The following LETM2 variants were observed in gnomAD, a reference collection of about 807,000 sequenced individuals.
LETM2 encodes the protein leucine zipper and EF-hand containing transmembrane protein 2, also known as LETM1 domain-containing protein LETM2, mitochondrial.
A neutral mutation model predicts 59.6 loss-of-function variants in LETM2; 58 were observed. The ratio of observed to expected loss-of-function variants is 0.97; its 90% CI spans 0.79 to 1.21. The LOEUF (loss-of-function observed/expected upper bound fraction) is 1.21, where lower values mean the gene tolerates loss of function less well. Among genes scored for constraint, LETM2 ranks in the 50% most tolerant of loss-of-function variants. The pLI, the probability that LETM2 is intolerant of heterozygous loss-of-function variation, is 0.00. For missense variants in LETM2, 572 were observed against 575.7 expected (o/e 0.99, Z 0.07); for synonymous variants, 199 against 214.1 (o/e 0.93, Z 0.62).
rs1240166540 is a variant in LETM2, at chr8:38,402,470, G to A, written c.985-55G>A. The A allele has an allele frequency of 1.9e-6, 3 of 1,596,810 alleles. No homozygotes were observed. The African/African-American group carries it at 4.0e-5, about 21-fold the overall frequency. On this transcript the variant is annotated intron_variant, in intron 6 of 10. Transcript: ENST00000379957. ...TTCCACTGATTTGCTGGAATTTAGG[G>A]TTTACGTAAAATTGGAATCAAAAGT... is the stretch of plus-strand genomic sequence containing the variant.
In LETM2 at chr8:38,408,549, G is replaced by A; in HGVS notation, c.*275G>A. 1 of 311,438 alleles carries A rather than the reference G, an allele frequency of 3.2e-6. No homozygotes were observed. Among genetic ancestry groups the A allele is most frequent in the Non-Finnish European group, 6.1e-6 (1 of 165,288 alleles). 19.3% of individuals were successfully genotyped at this position (311,438 alleles called of 1,614,324 possible). A position where few individuals can be genotyped will look rare whatever the true frequency, so the allele number is the denominator to read the frequency against. On this transcript the variant is annotated 3_prime_UTR_variant, in exon 11 of 11. Transcript: ENST00000379957. Reference sequence around the variant, plus strand: ...TATAAAGCCCACCCCCCATCATGTTGTTTTTTTAGTTTCATGTGTACGTCC... The same window carrying A: ...TATAAAGCCCACCCCCCATCATGTTATTTTTTTAGTTTCATGTGTACGTCC...
At chr8:38,404,685 C>A in intron 8 of LETM2, 179 bp downstream of exon 8, 1 of 572,848 alleles carries the variant, frequency 1.7e-6, no homozygotes, top group Non-Finnish European at 3.1e-6. Context: ...CACAAACAAA[C>A]AAAACAAAGG....
At chr8:38,406,895 G>A in intron 8 of LETM2, 51 bp from the exon 9 acceptor site, 1 of 1,299,208 alleles carries the variant, frequency 7.7e-7, no homozygotes, top group Non-Finnish European at 1.1e-6. Context: ...AAGTTTCTGG[G>A]TTTTAGGAAG....
rs1286701695 is a variant in LETM2 at position 38,404,521 on chromosome 8, T to A, written c.1218+15T>A. On this transcript the variant is annotated intron_variant, in intron 8 of 10. Coordinates refer to ENST00000379957, the MANE Select transcript of LETM2 (RefSeq NM_001286819.2). ...TCAGTGGGGAGGTGAGTACCTGGGT[T>A]AATGGGGACCCTCGACGTCCATCCA... The A allele has an allele frequency of 3.9e-6, 6 of 1,545,490 alleles. No individual in the cohort carries two copies. The highest frequency in any genetic ancestry group is 4.5e-6 in the Non-Finnish European group (5 of 1,117,326).
chr8:38,388,735 A>G (rs2150409455), intron 2 of LETM2, among the ~76,000 whole-genome samples: 1 of 151,346 alleles, frequency 6.6e-6, no homozygotes, highest in African/African-American at 2.4e-5. Flanking sequence ...AAAAAAAAGA[A>G]AAGAAGATGT....
At chr8:38,384,750 A>G (rs1036196657), upstream of LETM2, among the ~76,000 whole-genome samples, 1 of 152,220 alleles carries the variant, frequency 6.6e-6, no homozygotes, top group African/African-American at 2.4e-5. Flanking sequence ...ACATATGGCC[A>G]TGGTAGAAAA....
chr8:38,382,453 T>C (rs1489371835), upstream of LETM2: 1 of 151,270 alleles, frequency 6.6e-6, no homozygotes, highest in Non-Finnish European at 1.5e-5. This position sits in a 1 kb window ranked among gnomAD's most constrained non-coding sequence, Gnocchi z 4.2. Flanking sequence ...GCAGCTAGCG[T>C]CTGGACGACT....
intron 4 of LETM2, chr8:38,396,877 C>T (rs1812731967): frequency 3.5e-6 from 1 of 282,078 alleles, no homozygotes; most frequent in Non-Finnish European, 7.0e-6. Context: ...CAGGCCACTG[C>T]ACTGCACTCC....
At chr8:38,400,489 A>G in intron 5 of LETM2, 80 bp downstream of exon 5, 1 of 1,357,908 alleles carries the variant, frequency 7.4e-7, no homozygotes, top group Non-Finnish European at 1.0e-6. Context: ...GGATTTCCCA[A>G]ATTGTTCACC....
At chr8:38,408,171 G>A (rs201420242) in intron 10 of LETM2, 41 bp from the exon 11 acceptor site, 12 of 1,537,452 alleles carry the variant, frequency 7.8e-6, no homozygotes, top group African/African-American at 4.1e-5. Flanking sequence ...GAACTTACAC[G>A]TCTGTGACTA....
At position 38,401,571 on chromosome 8, in the gene LETM2, G is replaced by A. The variant is rs375904257; in HGVS notation, c.984+518G>A. Reference sequence around the variant, plus strand: ...TGTCATCCCCTTACCCATTTCTTGAGAAGGCCATCATAAGCAGTTAGTAAT... The same window carrying A: ...TGTCATCCCCTTACCCATTTCTTGAAAAGGCCATCATAAGCAGTTAGTAAT... On this transcript the variant is annotated intron_variant, in intron 6 of 10. Coordinates refer to ENST00000379957, the MANE Select transcript of LETM2 (RefSeq NM_001286819.2). 3.7e-4 allele frequency: 60 copies of A among 161,574 alleles called. 1 individual carries two copies. In the South Asian group the frequency reaches 9.8e-3, roughly 26 times the overall value. 10.0% of individuals were successfully genotyped at this position (161,574 alleles called of 1,614,324 possible). A position where few individuals can be genotyped will look rare whatever the true frequency, so the allele number is the denominator to read the frequency against.
At chr8:38,388,128 T>G (rs1214141436) in intron 2 of LETM2, 98 bp downstream of exon 2, 2 of 797,324 alleles carry the variant, frequency 2.5e-6, no homozygotes, top group Non-Finnish European at 4.0e-6. Flanking sequence ...TCGCCCAGGC[T>G]GGAGTTCAAT....
chr8:38,408,268 A>G lies in LETM2; in HGVS notation c.1470A>G (p.Gly490=). The change falls in exon 11 of 11, where the codon GGA becomes GGG. Residue 490 remains glycine (G), a synonymous_variant. Coordinates refer to ENST00000379957, the MANE Select transcript of LETM2 (RefSeq NM_001286819.2). ...TAQNSKASSK[G]A is the part of the protein sequence containing the mutation. ...AGAACAGCAAGGCTAGTTCAAAAGGAGCATAAAGGACTACTTGAGGATGGA... is the reference window on the plus strand; with the variant it reads ...AGAACAGCAAGGCTAGTTCAAAAGGGGCATAAAGGACTACTTGAGGATGGA... 1 of 1,612,556 alleles carries G rather than the reference A, an allele frequency of 6.2e-7. No homozygotes were observed. The highest frequency in any genetic ancestry group is 8.5e-7 in the Non-Finnish European group (1 of 1,179,276).
chr8:38,407,291 G>C (rs1473269122), intron 9 of LETM2, 71 bp from the exon 10 acceptor site: 1 of 1,168,528 alleles, frequency 8.6e-7, no homozygotes, highest in Non-Finnish European at 1.3e-6. Flanking sequence ...TGGTAGTCAA[G>C]GTAGTGGACT....
At chr8:38,399,750 C>G (rs981491068) in intron 4 of LETM2, among the ~76,000 whole-genome samples, 5 of 147,064 alleles carry the variant, frequency 3.4e-5, no homozygotes, top group Admixed American at 7.0e-5. Flanking sequence ...TGCACTCCAG[C>G]CTGGGTGACA....
Position 38,393,047 on chromosome 8 carries a change from T to A in LETM2, c.501+52T>A, listed in dbSNP as rs774457689. On this transcript the variant is annotated intron_variant, in intron 3 of 10. Transcript: ENST00000379957. ...AAAATGTGAAATTAAAATGAACTAT[T>A]TGGGAACTCAACTATTTAAATTCAA... is the stretch of plus-strand genomic sequence containing the variant. 3 of 1,426,558 alleles carry A rather than the reference T, an allele frequency of 2.1e-6. 1 individual carries two copies. The South Asian group carries it at 3.9e-5, about 19-fold the overall frequency. 88.4% of individuals were successfully genotyped at this position (1,426,558 alleles called of 1,614,324 possible). A position where few individuals can be genotyped will look rare whatever the true frequency, so the allele number is the denominator to read the frequency against.
intron 7 of LETM2, among the ~76,000 whole-genome samples, chr8:38,403,100 A>G (rs1586019345): frequency 6.6e-6 from 1 of 152,088 alleles, no homozygotes; most frequent in South Asian, 2.1e-4. Flanking sequence ...CTTCATCTGC[A>G]AGAGAGAACT....
At chr8:38,404,361 T>C in intron 7 of LETM2, 32 bp from the exon 8 acceptor site, 1 of 1,431,446 alleles carries the variant, frequency 7.0e-7, no homozygotes, top group Non-Finnish European at 9.9e-7. Context: ...GGTGTTCTGA[T>C]TCTCACGTGT....
At chr8:38,406,217 A>G (rs1813703786) in intron 8 of LETM2, among the ~76,000 whole-genome samples, 1 of 152,218 alleles carries the variant, frequency 6.6e-6, no homozygotes, top group Non-Finnish European at 1.5e-5. Flanking sequence ...GGAGCTTACC[A>G]TTTTAGTAAA....
Sources: gnomAD v4.1 joint callset for allele counts (sites outside exome capture counted in the v4.1 genomes callset) on GRCh38, gnomAD v4.1.1 for gene constraint, Gnocchi (gnomAD v3.1) non-coding constraint, MANE v1.5 for transcripts, NCBI Gene and HGNC (gene_info 2026-07-23, HGNC 2026-07-21) for gene names.